The following HDHD5 variants were observed in gnomAD, a reference collection of about 807,000 sequenced individuals.
The protein encoded by HDHD5 is haloacid dehalogenase-like hydrolase domain-containing 5.
A neutral mutation model predicts 35.5 loss-of-function variants in HDHD5; 34 were observed. That is an observed-to-expected ratio of 0.96 (90% CI 0.73 to 1.28). The LOEUF (loss-of-function observed/expected upper bound fraction) is 1.28, where lower values mean the gene tolerates loss of function less well. Among genes scored for constraint, HDHD5 ranks in the 50% most tolerant of loss-of-function variants. The pLI is 0.00. For missense variants in HDHD5, 589 were observed against 560.2 expected, an observed-to-expected ratio of 1.05 and a Z score of -0.52; for synonymous variants, 248 against 240.6, an observed-to-expected ratio of 1.03 and a Z score of -0.29.
At position 17,141,212 on chromosome 22, in the gene HDHD5, G is replaced by A. The variant is rs777126413; in HGVS notation, c.593C>T (p.Pro198Leu). ...CTGCAGGCTGGTCTCCCAGCGGACC[G>A]GCTCCCCTAGGAGGAGCACCCCTTT... ...RIEGVLLLGE[P>L]VRWETSLQLI... The change falls in exon 6 of 8, where the codon CCG (proline) becomes CTG (leucine). Residue 198 changes from proline to leucine, a missense_variant. By Grantham distance (98) the Pro-to-Leu change is moderately conservative. Coordinates refer to ENST00000336737, the MANE Select transcript of HDHD5 (RefSeq NM_033070.3). 1.0e-5 allele frequency: 16 copies of A among 1,596,112 alleles called. No homozygotes were observed. Among genetic ancestry groups the A allele is most frequent in the Middle Eastern group, 1.7e-4 (1 of 6,022 alleles).
Position 17,138,106 on chromosome 22 carries a change from C to T in HDHD5, c.1187G>A (p.Gly396Glu). Residue 396 changes from glycine (G) to glutamate (E), a missense_variant, in exon 8 of 8, where the codon GGG becomes GAG. Physicochemically the swap from Gly to Glu is moderately conservative, Grantham distance 98. Coordinates refer to ENST00000336737, the MANE Select transcript of HDHD5 (RefSeq NM_033070.3). Reference sequence around the variant, plus strand: ...CACCACGTGGGAGGCCTCCATGAGCCCTGGACTGAAGCATAAGTCTCGGTG... The same window carrying T: ...CACCACGTGGGAGGCCTCCATGAGCTCTGGACTGAAGCATAAGTCTCGGTG... ...HGHRDLCFSP[G>E]LMEASHVVND... The T allele has an allele frequency of 6.2e-7, 1 of 1,614,172 alleles. No individual in the cohort carries two copies. Among genetic ancestry groups the T allele is most frequent in the South Asian group, 1.1e-5 (1 of 91,070 alleles).
chr22:17,163,877 C>T (rs991336217), upstream of HDHD5, among the ~76,000 whole-genome samples: 7 of 152,196 alleles, frequency 4.6e-5, no homozygotes, highest in Non-Finnish European at 5.9e-5. Flanking sequence ...ACCTGTCTCC[C>T]TCACAGTCCT....
chr22:17,151,335 G>C (rs1282539300), intron 1 of HDHD5, among the ~76,000 whole-genome samples: 1 of 71,588 alleles, frequency 1.4e-5, no homozygotes, highest in Non-Finnish European at 2.6e-5. Context: ...AACCTAACTT[G>C]TTTGCTATTT....
chr22:17,141,022 GACC>G, intron 6 of HDHD5, 34 bp downstream of exon 6: 1 of 1,532,974 alleles, frequency 6.5e-7, no homozygotes, highest in Non-Finnish European at 8.7e-7. Flanking sequence ...GCCAGGAATA[GACC>G]ACCAGGCCAA....
intron 2 of HDHD5, 84 bp downstream of exon 2, chr22:17,149,458 C>T: frequency 7.4e-7 from 1 of 1,353,118 alleles, no homozygotes. Flanking sequence ...TATCCCAACC[C>T]AGGGGAAAGG....
upstream of HDHD5, chr22:17,159,328 C>A: frequency 8.3e-7 from 1 of 1,211,440 alleles, no homozygotes; most frequent in South Asian, 1.6e-5. Context: ...AGCCAATCAG[C>A]GGTCGGCGCG....
intron 1 of HDHD5, 159 bp downstream of exon 1, chr22:17,158,967 C>T (rs2061835464): frequency 1.6e-6 from 1 of 627,046 alleles, no homozygotes; most frequent in African/African-American, 1.9e-5. Flanking sequence ...GGCGCATCCG[C>T]CCTCCAGCAA....
At chr22:17,142,806 A>C (rs1318395117) in intron 5 of HDHD5, 2 of 341,504 alleles carry the variant, frequency 5.9e-6, no homozygotes, top group Non-Finnish European at 1.1e-5. Context: ...AAAAGGGGAG[A>C]ACTGGGTTTA....
intron 1 of HDHD5, among the ~76,000 whole-genome samples, chr22:17,165,038 C>T (rs1397811905): frequency 6.6e-6 from 1 of 152,216 alleles, no homozygotes; most frequent in Non-Finnish European, 1.5e-5. Context: ...CTCCATCTCT[C>T]TCATCACACA....
chr22:17,148,363 C>G lies in HDHD5; in HGVS notation c.443+85G>C, dbSNP rs1239583537. ...CTGTGTACCCCAGCACCCAGCACTC[C>G]TCACTACAGTCCCCACTCAGCTAAG... On this transcript the variant is annotated intron_variant, in intron 3 of 7. Transcript: ENST00000336737. 4.4e-6 allele frequency: 5 copies of G among 1,130,208 alleles called. No individual in the cohort carries two copies. In the African/African-American group the frequency reaches 4.6e-5, roughly 10 times the overall value. 70.0% of individuals were successfully genotyped at this position (1,130,208 alleles called of 1,614,324 possible). A position where few individuals can be genotyped will look rare whatever the true frequency, so the allele number is the denominator to read the frequency against.
chr22:17,163,309 C>A (rs1200325211), upstream of HDHD5, among the ~76,000 whole-genome samples: 2 of 152,156 alleles, frequency 1.3e-5, no homozygotes, highest in African/African-American at 4.8e-5. Context: ...CTTCAGAGGT[C>A]CAGGATTCTC....
intron 2 of HDHD5, 68 bp from the exon 3 acceptor site, chr22:17,148,628 G>C: frequency 8.2e-7 from 1 of 1,225,696 alleles, no homozygotes; most frequent in Non-Finnish European, 1.2e-6. Flanking sequence ...AATGAGACAG[G>C]TGGCAGGTCC....
upstream of HDHD5, among the ~76,000 whole-genome samples, chr22:17,162,973 A>C (rs180846847): frequency 6.6e-6 from 1 of 152,336 alleles, no homozygotes; most frequent in Non-Finnish European, 1.5e-5. Flanking sequence ...TTTGATTCCC[A>C]GTCATGTTAC....
At chr22:17,145,799 A>G (rs1234749814) in intron 3 of HDHD5, among the ~76,000 whole-genome samples, 2 of 151,774 alleles carry the variant, frequency 1.3e-5, no homozygotes, top group African/African-American at 4.8e-5. Context: ...TTCAGAAGAG[A>G]CTCCTCAGTG....
upstream of HDHD5, among the ~76,000 whole-genome samples, chr22:17,160,034 C>T (rs1454041034): frequency 2.6e-5 from 4 of 152,222 alleles, no homozygotes; most frequent in South Asian, 2.1e-4. Flanking sequence ...GGTAGTCCCC[C>T]GGTCATGAGG....
chr22:17,151,994 T>C (rs900236076), intron 1 of HDHD5, among the ~76,000 whole-genome samples: 3 of 152,164 alleles, frequency 2.0e-5, no homozygotes, highest in East Asian at 1.9e-4. Flanking sequence ...ACAAAACTCT[T>C]TGCACCCCCC....
chr22:17,144,288 T>A (rs1254206153), intron 4 of HDHD5, among the ~76,000 whole-genome samples: 1 of 151,694 alleles, frequency 6.6e-6, no homozygotes, highest in Non-Finnish European at 1.5e-5. Flanking sequence ...AGGGTCTCAC[T>A]CAGCCGCCAA....
At position 17,145,026 on chromosome 22, in the gene HDHD5, T is replaced by G; in HGVS notation, c.535A>C (p.Thr179Pro). 6.2e-7 allele frequency: 1 copy of G among 1,613,710 alleles called. No individual in the cohort carries two copies. Among genetic ancestry groups the G allele is most frequent in the South Asian group, 1.1e-5 (1 of 91,056 alleles). ...GCCCAACCCATGCTCCTTATTACCG[T>G]GGTCTTTAGCCGCCGCTCCAGGTCC... is the stretch of plus-strand genomic sequence containing the variant. ...MVDLERRLKT[T>P]PLPRNDFPRI... The change falls in exon 4 of 8, where the codon ACG becomes CCG. Residue 179 changes from threonine (T) to proline (P), a missense_variant and splice_region_variant. Thr to Pro is a conservative substitution (Grantham distance 38). Transcript: ENST00000336737.
chr22:17,143,242 C>G, intron 4 of HDHD5, 111 bp from the exon 5 acceptor site: 1 of 1,176,948 alleles, frequency 8.5e-7, no homozygotes, highest in Non-Finnish European at 1.2e-6. Flanking sequence ...CTCCACAGAC[C>G]CCACACCCGT....
Sources: gnomAD v4.1 joint callset for allele counts (sites outside exome capture counted in the v4.1 genomes callset) on GRCh38, gnomAD v4.1.1 for gene constraint, MANE v1.5 for transcripts, NCBI Gene and HGNC (gene_info 2026-07-23, HGNC 2026-07-21) for gene names.